The following TMEM132D variants were observed in gnomAD, a reference collection of about 807,000 sequenced individuals.
TMEM132D encodes transmembrane protein 132D.
A neutral mutation model predicts 62.3 loss-of-function variants in TMEM132D; 21 were observed. That is an observed-to-expected ratio of 0.34 (90% CI 0.24 to 0.49). The LOEUF is 0.49. Among genes scored for constraint, TMEM132D ranks in the 20% least tolerant of loss-of-function variants. The probability of loss-of-function intolerance (pLI) is 0.99; values close to 1 mark genes in which losing one functional copy is unlikely to be tolerated. For synonymous variants in TMEM132D, 621 were observed against 575.6 expected (o/e 1.08, Z -1.13); for missense variants, 1,346 against 1,402.8 (o/e 0.96, Z 0.65).
intron 3 of TMEM132D, among the ~76,000 whole-genome samples, chr12:129,431,097 G>A (rs1418697441): frequency 1.3e-5 from 2 of 152,200 alleles, no homozygotes; most frequent in Non-Finnish European, 2.9e-5. Flanking sequence ...AGAAGAGAGC[G>A]GCTGCTACGC....
At chr12:129,239,572 C>T (rs956838079) in intron 4 of TMEM132D, among the ~76,000 whole-genome samples, 26 of 152,090 alleles carry the variant, frequency 1.7e-4, no homozygotes, top group African/African-American at 6.0e-4. Context: ...CAAGTTAAGA[C>T]CCTAATCTAA....
chr12:129,312,716 G>A (rs1048010414), intron 4 of TMEM132D, among the ~76,000 whole-genome samples: 12 of 151,786 alleles, frequency 7.9e-5, no homozygotes, highest in South Asian at 2.1e-4. Context: ...GACTACAGGC[G>A]CCCGCCACTA....
At chr12:129,848,382 A>G (rs1201861846) in intron 1 of TMEM132D, among the ~76,000 whole-genome samples, 1 of 152,236 alleles carries the variant, frequency 6.6e-6, no homozygotes, top group African/African-American at 2.4e-5. Context: ...CTTCTTCGAT[A>G]GATAATAAGA....
At chr12:129,567,419 C>G (rs1194515307) in intron 2 of TMEM132D, among the ~76,000 whole-genome samples, 1 of 152,112 alleles carries the variant, frequency 6.6e-6, no homozygotes, top group African/African-American at 2.4e-5. Context: ...GAAGCCACCA[C>G]GTGACAAGTT....
intron 2 of TMEM132D, among the ~76,000 whole-genome samples, chr12:129,633,828 G>T (rs1421815458): frequency 6.6e-6 from 1 of 152,134 alleles, no homozygotes; most frequent in African/African-American, 2.4e-5. Context: ...CAATGGGAAG[G>T]CAAACACAGT....
intron 3 of TMEM132D, among the ~76,000 whole-genome samples, chr12:129,352,987 C>T (rs759460714): frequency 6.6e-6 from 1 of 152,192 alleles, no homozygotes; most frequent in South Asian, 2.1e-4. Context: ...GCACTGTGCA[C>T]TTGCCCTGAA....
intron 3 of TMEM132D, among the ~76,000 whole-genome samples, chr12:129,493,034 G>A (rs1874847861): frequency 6.6e-6 from 1 of 152,148 alleles, no homozygotes; most frequent in Non-Finnish European, 1.5e-5. Flanking sequence ...CTCGGAAATA[G>A]GGAATCCACG....
At chr12:129,142,530 T>C (rs915165042) in intron 5 of TMEM132D, among the ~76,000 whole-genome samples, 1 of 152,248 alleles carries the variant, frequency 6.6e-6, no homozygotes, top group Non-Finnish European at 1.5e-5. Flanking sequence ...AGACTTGTGA[T>C]TCTAATTATA....
intron 5 of TMEM132D, among the ~76,000 whole-genome samples, chr12:129,186,980 C>T (rs1048015181): frequency 7.2e-5 from 11 of 152,106 alleles, no homozygotes; most frequent in African/African-American, 2.4e-4. Context: ...TATTGAACAC[C>T]TATTGTCAAT....
At chr12:129,238,059 G>C (rs1209698924) in intron 4 of TMEM132D, among the ~76,000 whole-genome samples, 1 of 152,108 alleles carries the variant, frequency 6.6e-6, no homozygotes, top group African/African-American at 2.4e-5. Context: ...CTGATAAAGG[G>C]TCTGATCCTC....
chr12:129,739,391 G>C (rs1869528131), intron 1 of TMEM132D, among the ~76,000 whole-genome samples: 1 of 152,168 alleles, frequency 6.6e-6, no homozygotes, highest in Non-Finnish European at 1.5e-5. Context: ...TGGCCAAAAA[G>C]ACAGAGGAGA....
intron 3 of TMEM132D, among the ~76,000 whole-genome samples, chr12:129,507,227 AGTG>A (rs1014011887): frequency 6.6e-6 from 1 of 152,124 alleles, no homozygotes; most frequent in African/African-American, 2.4e-5. Context: ...TTGGTGTGGA[AGTG>A]GTGAACAGGG....
intron 3 of TMEM132D, among the ~76,000 whole-genome samples, chr12:129,519,297 A>G (rs3853782): frequency 0.82 from 125,387 of 152,074 alleles, 51,920 homozygotes; most frequent in East Asian, 0.92. Context: ...AACAGAAGCC[A>G]CAGTGATCTT....
At chr12:129,261,501 G>A (rs192887868) in intron 4 of TMEM132D, among the ~76,000 whole-genome samples, 12 of 152,310 alleles carry the variant, frequency 7.9e-5, no homozygotes, top group Middle Eastern at 3.4e-3. Context: ...GTGGAACTGT[G>A]AGTCCACTAA....
At chr12:129,288,579 T>C (rs1258571446) in intron 4 of TMEM132D, among the ~76,000 whole-genome samples, 1 of 152,306 alleles carries the variant, frequency 6.6e-6, no homozygotes, top group East Asian at 1.9e-4. Context: ...GTTAGGATGG[T>C]TATTATTATG....
intron 2 of TMEM132D, among the ~76,000 whole-genome samples, chr12:129,609,948 T>C (rs1432682251): frequency 6.6e-6 from 1 of 152,118 alleles, no homozygotes; most frequent in Non-Finnish European, 1.5e-5. Context: ...AGTGACATCC[T>C]CTCTCCTTTA....
chr12:129,099,636 T>A (rs749749949), intron 5 of TMEM132D, among the ~76,000 whole-genome samples: 1 of 152,132 alleles, frequency 6.6e-6, no homozygotes, highest in African/African-American at 2.4e-5. Flanking sequence ...CAGTTCCACC[T>A]CCAGACGGCT....
In TMEM132D at chr12:129,898,660, C is replaced by T. The variant is rs922676235; in HGVS notation, c.79+4601G>A. Among the ~76,000 whole-genome samples the T allele has an allele frequency of 2.6e-5, 4 of 152,180 alleles. No homozygotes were observed. The South Asian group carries it at 6.2e-4, about 24-fold the overall frequency. ...ATTATCTGCATCCAGAGACACTCGC[C>T]CCATCCTCCAGAGCACACCCACAGT... On this transcript the variant is annotated intron_variant, in intron 1 of 8. Transcript: ENST00000422113.
At chr12:129,792,592 G>A (rs114222853) in intron 1 of TMEM132D, among the ~76,000 whole-genome samples, 1,689 of 152,262 alleles carry the variant, frequency 0.011, 22 homozygotes, top group African/African-American at 0.038. Context: ...ACAACGGGGC[G>A]TTGACGGTCA....
Sources: gnomAD v4.1 joint callset for allele counts (sites outside exome capture counted in the v4.1 genomes callset) on GRCh38, gnomAD v4.1.1 for gene constraint, MANE v1.5 for transcripts, NCBI Gene and HGNC (gene_info 2026-07-23, HGNC 2026-07-21) for gene names.